Variants in ZC3H14 observed in about 807,000 individuals in gnomAD.
ZC3H14 encodes zinc finger CCCH domain-containing protein 14.
ZC3H14 carries 31 observed loss-of-function variants against 92.4 expected under a neutral mutation model. That is an observed-to-expected ratio of 0.34 (90% CI 0.25 to 0.45). The LOEUF (loss-of-function observed/expected upper bound fraction) is 0.45. Ranked by LOEUF, ZC3H14 falls within the 20% of genes least tolerant of loss-of-function variation. The probability of loss-of-function intolerance (pLI) is 1.00; values close to 1 mark genes in which losing one functional copy is unlikely to be tolerated. For missense variants in ZC3H14, 781 were observed against 897.3 expected (o/e 0.87, Z 1.66); for synonymous variants, 321 against 300.9 (o/e 1.07, Z -0.69).
At chr14:88,594,440 A>T in intron 9 of ZC3H14, 1 of 1,238,936 alleles carries the variant, frequency 8.1e-7, no homozygotes, top group South Asian at 1.8e-5. Flanking sequence ...TACTTAGAGG[A>T]TGTAGGGCCC....
At chr14:88,604,599 G>GTTT (rs11446275) in intron 12 of ZC3H14, among the ~76,000 whole-genome samples, 17 of 142,666 alleles carry the variant, frequency 1.2e-4, no homozygotes, top group South Asian at 2.2e-4. Flanking sequence ...TGCTTTCTTT[G>GTTT]TTTTTTTTTT....
chr14:88,566,862 G>A (rs542487498), intron 2 of ZC3H14, among the ~76,000 whole-genome samples: 34 of 151,728 alleles, frequency 2.2e-4, no homozygotes, highest in African/African-American at 8.2e-4. Context: ...AGAGCTTGCA[G>A]TGAGCCGAGA....
intron 3 of ZC3H14, among the ~76,000 whole-genome samples, chr14:88,569,050 T>C (rs1321481410): frequency 1.3e-5 from 2 of 152,102 alleles, no homozygotes; most frequent in African/African-American, 4.8e-5. Context: ...AATTTTTTGT[T>C]CAGACAGGGT....
At chr14:88,577,946 T>G (rs1220984404) in intron 8 of ZC3H14, 39 bp from the exon 9 acceptor site, 1 of 1,612,890 alleles carries the variant, frequency 6.2e-7, no homozygotes, top group Admixed American at 1.7e-5. Flanking sequence ...GACGTATTAC[T>G]GCATTTGTAT....
chr14:88,588,466 A>G (rs2082717307), intron 9 of ZC3H14, among the ~76,000 whole-genome samples: 1 of 152,218 alleles, frequency 6.6e-6, no homozygotes, highest in Non-Finnish European at 1.5e-5. Context: ...CTTTGAAGGC[A>G]TAGTTTCATT....
rs1193507809 is a variant in ZC3H14, at chr14:88,622,710, T to C, written c.*10959T>C. 11 of 1,604,048 alleles carry C rather than the reference T, an allele frequency of 6.9e-6. No homozygotes were observed. The East Asian group carries it at 1.1e-4, about 16-fold the overall frequency. On this transcript the variant is annotated 3_prime_UTR_variant, in exon 17 of 17. Coordinates refer to ENST00000251038, the MANE Select transcript of ZC3H14 (RefSeq NM_024824.5). ...ATCCCACAGTTTAACCGCTCCTCCT[T>C]CTTTTGACCTAAGTAAATAACCAAG... is the stretch of plus-strand genomic sequence containing the variant.
At chr14:88,580,240 G>A (rs1404944822) in intron 9 of ZC3H14, among the ~76,000 whole-genome samples, 1 of 152,170 alleles carries the variant, frequency 6.6e-6, no homozygotes, top group African/African-American at 2.4e-5. Flanking sequence ...AGGAGGCTGA[G>A]GTTGCAGTGA....
At chr14:88,580,463 T>C (rs564703041) in intron 9 of ZC3H14, among the ~76,000 whole-genome samples, 2 of 152,238 alleles carry the variant, frequency 1.3e-5, no homozygotes, top group African/African-American at 4.8e-5. Flanking sequence ...CAAAACCTTA[T>C]GGCTACAGAA....
chr14:88,616,084 A>G lies in ZC3H14; in HGVS notation c.*4333A>G. 6.4e-7 allele frequency: 1 copy of G among 1,561,658 alleles called. No individual in the cohort carries two copies. The highest frequency in any genetic ancestry group is 1.1e-5 in the South Asian group (1 of 89,674). Reference sequence around the variant, plus strand: ...AAACCAAAGCTGTAGGAGTTGTTGTATTAAGTCTCTTAACTAGTAACATAG... The same window carrying G: ...AAACCAAAGCTGTAGGAGTTGTTGTGTTAAGTCTCTTAACTAGTAACATAG... On this transcript the variant is annotated 3_prime_UTR_variant, in exon 17 of 17. Transcript: ENST00000251038.
At position 88,610,925 on chromosome 14, in the gene ZC3H14, T is replaced by C; in HGVS notation, c.2189T>C (p.Ile730Thr). ...NVPPRHALKW[I>T]RPQTSE ...CCACCACGACATGCCTTGAAATGGA[T>C]TCGACCTCAAACCAGGTAAACATTC... The change falls in exon 16 of 17, where the codon ATT becomes ACT. Residue 730 changes from isoleucine to threonine, a missense_variant. Ile to Thr is a moderately conservative substitution (Grantham distance 89, BLOSUM62 -1). Around this residue, in one of 3 missense-constraint regions of ZC3H14, gnomAD observed 221 missense variants for 304.7 expected, o/e 0.73. Coordinates refer to ENST00000251038, the MANE Select transcript of ZC3H14 (RefSeq NM_024824.5). 6.2e-6 allele frequency: 10 copies of C among 1,614,128 alleles called. No individual in the cohort carries two copies. Among genetic ancestry groups the C allele is most frequent in the Non-Finnish European group, 7.6e-6 (9 of 1,179,964 alleles).
chr14:88,603,085 G>A, intron 12 of ZC3H14, 25 bp downstream of exon 12: 1 of 1,606,136 alleles, frequency 6.2e-7, no homozygotes, highest in Non-Finnish European at 8.5e-7. Context: ...CAGATTTTCA[G>A]GGTGCTGTCA....
chr14:88,567,124 A>ATTTATTT (rs142510062), intron 2 of ZC3H14, among the ~76,000 whole-genome samples: 97,717 of 145,070 alleles, frequency 0.67, 33,686 homozygotes, highest in Middle Eastern at 0.83. Context: ...TTATTTATTT[A>ATTTATTT]TTTTTTTTTG....
At chr14:88,566,362 C>T (rs1009300054) in intron 2 of ZC3H14, among the ~76,000 whole-genome samples, 1 of 151,836 alleles carries the variant, frequency 6.6e-6, no homozygotes, top group Non-Finnish European at 1.5e-5. Context: ...GGCCCAAGAC[C>T]AAACAGTTTG....
chr14:88,611,072 T>C (rs1330130192), intron 16 of ZC3H14, 132 bp downstream of exon 16: 2 of 881,382 alleles, frequency 2.3e-6, no homozygotes, highest in African/African-American at 3.4e-5. Flanking sequence ...TGTTTAATTA[T>C]AGAAGGCTCC....
intron 9 of ZC3H14, chr14:88,590,678 A>T (rs1445524130): frequency 6.6e-6 from 1 of 152,154 alleles, no homozygotes; most frequent in African/African-American, 2.4e-5. Context: ...TTTTAACGTG[A>T]ATTGTTTTCT....
At chr14:88,591,714 T>A in intron 9 of ZC3H14, 1 of 152,234 alleles carries the variant, frequency 6.6e-6, no homozygotes, top group East Asian at 1.9e-4. Context: ...GCATTTCTTA[T>A]ATCTGTGAAC....
chr14:88,608,987 AC>A (rs1356201644), intron 13 of ZC3H14: 2 of 429,108 alleles, frequency 4.7e-6, no homozygotes, highest in African/African-American at 4.0e-5. Flanking sequence ...TAAAATATAT[AC>A]CTTTTTTATT....
Position 88,620,936 on chromosome 14 carries a change from A to T in ZC3H14, c.*9185A>T, listed in dbSNP as rs76560678. 4 of 518,042 alleles carry T rather than the reference A, an allele frequency of 7.7e-6. No individual in the cohort carries two copies. Among genetic ancestry groups the T allele is most frequent in the Non-Finnish European group, 2.7e-6 (1 of 365,872 alleles). 32.1% of individuals were successfully genotyped at this position (518,042 alleles called of 1,614,324 possible). A position where few individuals can be genotyped will look rare whatever the true frequency, so the allele number is the denominator to read the frequency against. On this transcript the variant is annotated 3_prime_UTR_variant, in exon 17 of 17. Transcript: ENST00000251038. The surrounding 1 kb of genome is among the most constrained non-coding windows in gnomAD (Gnocchi z 4.3). ...CTTTGTTTAACATCTTCTGCATTTA[A>T]AAAAAAAAAAAAAAAGAGTCATAGG...
In ZC3H14 at chr14:88,625,198, T is replaced by G; in HGVS notation, c.*13447T>G. 6.5e-7 allele frequency: 1 copy of G among 1,530,734 alleles called. No individual in the cohort carries two copies. Among genetic ancestry groups the G allele is most frequent in the Non-Finnish European group, 8.9e-7 (1 of 1,127,520 alleles). The allele number at this position is 1,530,734 out of a possible 1,614,324, so 94.8% of individuals were successfully genotyped here. The stretch of plus-strand genomic sequence containing the variant: ...AATAGAGTTTAAATAGATAATTTTC[T>G]ATGTATGTGTAATGCTGTCTCACCC... On this transcript the variant is annotated 3_prime_UTR_variant, in exon 17 of 17. Coordinates refer to ENST00000251038, the MANE Select transcript of ZC3H14 (RefSeq NM_024824.5).
Sources: gnomAD v4.1 joint callset for allele counts (sites outside exome capture counted in the v4.1 genomes callset) on GRCh38, gnomAD v4.1.1 for gene constraint, gnomAD v4.1.1 regional missense constraint, Gnocchi (gnomAD v3.1) non-coding constraint, MANE v1.5 for transcripts, NCBI Gene and HGNC (gene_info 2026-07-23, HGNC 2026-07-21) for gene names.